The following TM9SF2 variants were observed in gnomAD, a reference collection of about 807,000 sequenced individuals.
TM9SF2 encodes the protein transmembrane 9 superfamily member 2.
A neutral mutation model predicts 84.9 loss-of-function variants in TM9SF2; 13 were observed. The ratio of observed to expected loss-of-function variants is 0.15; its 90% CI spans 0.10 to 0.24. TM9SF2 has a LOEUF of 0.24. Ranked by LOEUF, TM9SF2 falls within the 10% of genes least tolerant of loss-of-function variation. The pLI, the probability that TM9SF2 is intolerant of heterozygous loss-of-function variation, is 1.00. For synonymous variants in TM9SF2, 273 were observed against 285.8 expected, an observed-to-expected ratio of 0.96 and a Z score of 0.45; for missense variants, 562 against 818.5, an observed-to-expected ratio of 0.69 and a Z score of 3.82.
chr13:99,557,665 G>A (rs545987670), intron 15 of TM9SF2, among the ~76,000 whole-genome samples: 1 of 151,994 alleles, frequency 6.6e-6, no homozygotes, highest in East Asian at 1.9e-4. Context: ...CGGGAGGATC[G>A]CTTGAGCCCA....
At chr13:99,512,525 A>G (rs947835192) in intron 1 of TM9SF2, among the ~76,000 whole-genome samples, 2 of 152,248 alleles carry the variant, frequency 1.3e-5, no homozygotes, top group African/African-American at 4.8e-5. Context: ...ACATGTAGAT[A>G]AGAAAATGAG....
At chr13:99,515,750 T>TG (rs2046131270) in intron 1 of TM9SF2, among the ~76,000 whole-genome samples, 1 of 150,456 alleles carries the variant, frequency 6.6e-6, no homozygotes, top group Non-Finnish European at 1.5e-5. Context: ...TTTTTTTTTT[T>TG]GAAACGGAGT....
intron 10 of TM9SF2, among the ~76,000 whole-genome samples, chr13:99,544,348 AAAAAAC>A (rs973277208): frequency 1.3e-5 from 2 of 151,920 alleles, no homozygotes; most frequent in African/African-American, 4.8e-5. Flanking sequence ...ATCTCAAAAA[AAAAAAC>A]AAAAAACACC....
chr13:99,543,296 C>A (rs1463318792), intron 9 of TM9SF2, among the ~76,000 whole-genome samples: 1 of 152,170 alleles, frequency 6.6e-6, no homozygotes, highest in Admixed American at 6.5e-5. Flanking sequence ...GTATACTTTC[C>A]TGACTTATTT....
rs1455860241 is a variant in TM9SF2 at position 99,563,790 on chromosome 13, C to G, written c.*1032C>G. ...GATTTCATTGTTTTAATTTAGATTT[C>G]ACAAACAGTTTTACTTCTAAGAGTT... On this transcript the variant is annotated 3_prime_UTR_variant, in exon 17 of 17. Coordinates refer to ENST00000376387, the MANE Select transcript of TM9SF2 (RefSeq NM_004800.3). The G allele has an allele frequency of 6.6e-6, 1 of 152,182 alleles. No individual in the cohort carries two copies. The highest frequency in any genetic ancestry group is 6.6e-5 in the Admixed American group (1 of 15,266). The allele number at this position is 152,182 out of a possible 1,614,324, so 9.4% of individuals were successfully genotyped here.
chr13:99,559,573 G>A (rs1825564082), intron 16 of TM9SF2, 39 bp downstream of exon 16: 1 of 1,515,740 alleles, frequency 6.6e-7, no homozygotes. Flanking sequence ...TATTTTGTAA[G>A]TTTTTAGACA....
chr13:99,551,306 G>A (rs1306872208), intron 12 of TM9SF2, among the ~76,000 whole-genome samples: 1 of 152,230 alleles, frequency 6.6e-6, no homozygotes, highest in Non-Finnish European at 1.5e-5. Context: ...TGCTGGGATG[G>A]AGAATACAGA....
intron 2 of TM9SF2, 36 bp downstream of exon 2, chr13:99,517,717 A>G (rs1285190740): frequency 1.4e-6 from 2 of 1,435,466 alleles, no homozygotes; most frequent in African/African-American, 2.9e-5. Flanking sequence ...ATAAAATTTT[A>G]TGTGACTCAT....
At chr13:99,552,485 C>T (rs2046309179) in intron 13 of TM9SF2, among the ~76,000 whole-genome samples, 159 bp downstream of exon 13, 1 of 152,018 alleles carries the variant, frequency 6.6e-6, no homozygotes, top group Non-Finnish European at 1.5e-5. Context: ...TATTTAGGAG[C>T]GTGGTAGAGA....
chr13:99,506,571 A>T (rs979678052), intron 1 of TM9SF2, among the ~76,000 whole-genome samples: 3 of 152,210 alleles, frequency 2.0e-5, no homozygotes, highest in Non-Finnish European at 4.4e-5. Flanking sequence ...TAAAATTAAG[A>T]CTGTAATTGT....
At chr13:99,544,901 A>G (rs2046276569) in intron 10 of TM9SF2, among the ~76,000 whole-genome samples, 1 of 152,146 alleles carries the variant, frequency 6.6e-6, no homozygotes, top group South Asian at 2.1e-4. Flanking sequence ...AATGTTCCTT[A>G]GAGGTATTGA....
intron 13 of TM9SF2, among the ~76,000 whole-genome samples, chr13:99,553,711 CAT>C (rs1428737528): frequency 1.3e-5 from 2 of 152,236 alleles, no homozygotes; most frequent in East Asian, 3.8e-4. Context: ...CTTCCCCCCT[CAT>C]GTGGCTGCTT....
At chr13:99,544,463 G>T (rs1035857716) in intron 10 of TM9SF2, among the ~76,000 whole-genome samples, 1 of 152,114 alleles carries the variant, frequency 6.6e-6, no homozygotes, top group Non-Finnish European at 1.5e-5. Context: ...TGCACCCAAA[G>T]ACTGACTCTT....
intron 2 of TM9SF2, among the ~76,000 whole-genome samples, chr13:99,519,240 G>C: frequency 6.6e-6 from 1 of 150,480 alleles, no homozygotes; most frequent in Non-Finnish European, 1.5e-5. Flanking sequence ...GATATTCTTA[G>C]GAAAAGTCAG....
intron 16 of TM9SF2, 88 bp from the exon 17 acceptor site, chr13:99,562,603 A>T (rs1594064600): frequency 1.5e-6 from 2 of 1,321,178 alleles, no homozygotes; most frequent in Non-Finnish European, 1.1e-6. Flanking sequence ...CGACTTTTTT[A>T]AGGAACCAGT....
intron 8 of TM9SF2, 93 bp downstream of exon 8, chr13:99,540,886 A>G: frequency 8.6e-7 from 1 of 1,165,312 alleles, no homozygotes; most frequent in Non-Finnish European, 1.2e-6. Flanking sequence ...TCTCTACTTT[A>G]TTCAAAAGTC....
At chr13:99,517,956 A>G (rs1326519604) in intron 2 of TM9SF2, among the ~76,000 whole-genome samples, 1 of 152,144 alleles carries the variant, frequency 6.6e-6, no homozygotes, top group African/African-American at 2.4e-5. Flanking sequence ...AGCTCCACAT[A>G]TTTTTAAACA....
intron 4 of TM9SF2, 99 bp downstream of exon 4, chr13:99,529,693 A>G: frequency 3.2e-6 from 4 of 1,262,570 alleles, no homozygotes; most frequent in Non-Finnish European, 4.2e-6. Flanking sequence ...AAATATAGCA[A>G]ATTAATTGAT....
intron 4 of TM9SF2, among the ~76,000 whole-genome samples, chr13:99,532,172 C>T (rs1373563857): frequency 2.0e-5 from 3 of 151,814 alleles, no homozygotes; most frequent in African/African-American, 7.3e-5. Context: ...CTGCCTCAGC[C>T]TCCCGAGTAG....
Sources: allele counts gnomAD v4.1 joint callset (sites outside exome capture counted in the v4.1 genomes callset), GRCh38; gene constraint gnomAD v4.1.1; transcripts MANE v1.5; gene names NCBI Gene and HGNC (gene_info 2026-07-23, HGNC 2026-07-21).